The following APBA2 variants were observed in gnomAD, a reference collection of about 807,000 sequenced individuals.
APBA2 encodes amyloid-beta A4 precursor protein-binding family A member 2.
In APBA2, 30 loss-of-function variants were observed where a neutral mutation model predicts 75.0. The observed-to-expected ratio is 0.40, with a 90% CI of 0.30 to 0.54. The LOEUF is 0.54. APBA2 is among the 20% of genes least tolerant of loss of function. APBA2 has a pLI of 0.49. For missense variants in APBA2, 801 were observed against 1,016.1 expected (o/e 0.79, Z 2.88); for synonymous variants, 444 against 409.6 (o/e 1.08, Z -1.01).
intron 1 of APBA2, among the ~76,000 whole-genome samples, chr15:28,893,430 G>C (rs1011275821): frequency 6.6e-6 from 1 of 152,176 alleles, no homozygotes; most frequent in Non-Finnish European, 1.5e-5. Context: ...GTGATGAATG[G>C]ACCGATTTTG....
At chr15:29,048,133 A>G (rs554847986) in intron 3 of APBA2, among the ~76,000 whole-genome samples, 3 of 152,098 alleles carry the variant, frequency 2.0e-5, no homozygotes, top group African/African-American at 7.2e-5. Flanking sequence ...TGATCACTTG[A>G]GGCAGGAGTT....
chr15:29,041,555 A>G lies in APBA2; in HGVS notation c.-40-12290A>G, dbSNP rs376929161. Among the ~76,000 whole-genome samples the G allele has an allele frequency of 2.4e-4, 36 of 152,072 alleles. No individual in the cohort carries two copies. In the East Asian group the frequency reaches 6.4e-3, roughly 27 times the overall value. On this transcript the variant is annotated intron_variant, in intron 3 of 14. Transcript: ENST00000683413. ...ATAGCATCCCCCCAAAAAAGAAAGA[A>G]CTACATATAAATAAGAAAATATACA...
intron 3 of APBA2, among the ~76,000 whole-genome samples, chr15:29,027,080 GT>G (rs1162494820): frequency 6.6e-6 from 1 of 152,208 alleles, no homozygotes; most frequent in Non-Finnish European, 1.5e-5. Flanking sequence ...TGACGTGTTA[GT>G]TTTTAATGCT....
At chr15:28,945,289 G>A (rs1031505610) in intron 2 of APBA2, among the ~76,000 whole-genome samples, 1 of 146,638 alleles carries the variant, frequency 6.8e-6, no homozygotes, top group East Asian at 2.2e-4. Context: ...ACATCTCAGG[G>A]TGACCTTGGC....
At chr15:28,915,980 C>T (rs1486068179) in intron 1 of APBA2, among the ~76,000 whole-genome samples, 2 of 152,160 alleles carry the variant, frequency 1.3e-5, no homozygotes, top group Non-Finnish European at 2.9e-5. Context: ...ATCTGACGCA[C>T]ACAGCACACA....
intron 6 of APBA2, among the ~76,000 whole-genome samples, chr15:29,083,365 T>C (rs1198596427): frequency 6.6e-6 from 1 of 152,132 alleles, no homozygotes; most frequent in Non-Finnish European, 1.5e-5. Context: ...CCAGGCTGCT[T>C]TATTTACTGG....
At chr15:28,942,543 C>A in intron 2 of APBA2, among the ~76,000 whole-genome samples, 1 of 152,176 alleles carries the variant, frequency 6.6e-6, no homozygotes, top group Non-Finnish European at 1.5e-5. Flanking sequence ...GGGGGAGGAA[C>A]TCGGTGTGGT....
intron 3 of APBA2, among the ~76,000 whole-genome samples, chr15:29,000,094 C>T (rs569106380): frequency 6.6e-6 from 1 of 152,318 alleles, no homozygotes; most frequent in African/African-American, 2.4e-5. Context: ...TTTACTCAGT[C>T]TGCCAATTCC....
At chr15:28,945,901 G>GA (rs575524788) in intron 2 of APBA2, among the ~76,000 whole-genome samples, 163 of 152,284 alleles carry the variant, frequency 1.1e-3, no homozygotes, top group Non-Finnish European at 1.1e-3. Context: ...ATAGAGTCGT[G>GA]ATGAGGAGGA....
chr15:29,113,844 A>G lies in APBA2; in HGVS notation c.2038-32A>G, dbSNP rs765438189. On this transcript the variant is annotated intron_variant, in intron 13 of 14. Transcript: ENST00000683413. ...GGAGCGCCTGTCGGGTGTGGCGGGA[A>G]CACGTGTGCTGACCTGGCCATGTCT... The G allele has an allele frequency of 1.5e-5, 24 of 1,586,414 alleles. No homozygotes were observed. In the South Asian group the frequency reaches 2.6e-4, roughly 17 times the overall value.
chr15:28,958,613 G>A (rs927909376), intron 2 of APBA2, among the ~76,000 whole-genome samples: 5 of 152,174 alleles, frequency 3.3e-5, no homozygotes, highest in Admixed American at 2.0e-4. Flanking sequence ...TGGCTTGTGC[G>A]TGTCTGAGGC....
intron 13 of APBA2, among the ~76,000 whole-genome samples, chr15:29,109,614 T>C (rs2044622671): frequency 6.6e-6 from 1 of 152,098 alleles, no homozygotes. Context: ...GCCCTTGTCA[T>C]TTCTGCCCAC....
At chr15:28,929,581 C>T (rs1227669268) in intron 2 of APBA2, among the ~76,000 whole-genome samples, 3 of 152,284 alleles carry the variant, frequency 2.0e-5, no homozygotes, top group African/African-American at 4.8e-5. Flanking sequence ...TTGGCCCAGG[C>T]GACACACAAG....
chr15:29,019,791 C>T (rs1207405881), intron 3 of APBA2, among the ~76,000 whole-genome samples: 1 of 152,240 alleles, frequency 6.6e-6, no homozygotes, highest in Non-Finnish European at 1.5e-5. Context: ...CTAATGTTTG[C>T]TGTCACAAAC....
chr15:28,955,550 T>C (rs1170770927), intron 2 of APBA2, among the ~76,000 whole-genome samples: 1 of 152,234 alleles, frequency 6.6e-6, no homozygotes, highest in Non-Finnish European at 1.5e-5. Flanking sequence ...CAAGAAATGT[T>C]ATTGTAGTTG....
chr15:28,927,748 A>G (rs374141705), intron 2 of APBA2, among the ~76,000 whole-genome samples: 7 of 151,462 alleles, frequency 4.6e-5, no homozygotes, highest in East Asian at 2.0e-4. Flanking sequence ...CTTTGTGTGC[A>G]TGTGTGTTTC....
At chr15:29,098,365 GT>G in intron 8 of APBA2, 124 bp from the exon 9 acceptor site, 1 of 732,740 alleles carries the variant, frequency 1.4e-6, no homozygotes, top group East Asian at 2.6e-5. Context: ...ATGATATATT[GT>G]TGTGGTTTTA....
intron 2 of APBA2, among the ~76,000 whole-genome samples, chr15:28,984,057 G>A (rs1053886369): frequency 6.6e-6 from 1 of 152,186 alleles, no homozygotes; most frequent in Non-Finnish European, 1.5e-5. Flanking sequence ...GGTGTGAGGC[G>A]TGCCCTCGGT....
intron 3 of APBA2, among the ~76,000 whole-genome samples, chr15:29,035,570 G>C (rs2040704333): frequency 6.6e-6 from 1 of 152,142 alleles, no homozygotes; most frequent in South Asian, 2.1e-4. Context: ...TCTCAGTTGT[G>C]GAAGCTGCTA....
Sources: allele counts gnomAD v4.1 joint callset (sites outside exome capture counted in the v4.1 genomes callset), GRCh38; gene constraint gnomAD v4.1.1; transcripts MANE v1.5; gene names NCBI Gene and HGNC (gene_info 2026-07-23, HGNC 2026-07-21).